Variants in TAOK1 observed in about 807,000 individuals in gnomAD.
TAOK1 encodes the protein TAO kinase 1.
In TAOK1, 21 loss-of-function variants were observed where a neutral mutation model predicts 138.3. That is an observed-to-expected ratio of 0.15 (90% CI 0.11 to 0.22). The LOEUF (loss-of-function observed/expected upper bound fraction) is 0.22, where lower values mean the gene tolerates loss of function less well. Ranked by LOEUF, TAOK1 falls within the 10% of genes least tolerant of loss-of-function variation. TAOK1 has a pLI of 1.00. For missense variants in TAOK1, 651 were observed against 1,227.7 expected (o/e 0.53, Z 7.02); for synonymous variants, 361 against 398.4 (o/e 0.91, Z 1.12).
At chr17:29,429,579 C>T (rs1355650036) in intron 1 of TAOK1, among the ~76,000 whole-genome samples, 1 of 152,048 alleles carries the variant, frequency 6.6e-6, no homozygotes, top group African/African-American at 2.4e-5. Context: ...CCCGGCCTTT[C>T]CTCTAATGTT....
At chr17:29,495,469 C>G (rs2031393637) in intron 10 of TAOK1, 91 bp from the exon 11 acceptor site, 3 of 1,071,132 alleles carry the variant, frequency 2.8e-6, no homozygotes, top group Non-Finnish European at 3.9e-6. Flanking sequence ...CATGCATTAT[C>G]TATCATAGGA....
chr17:29,522,661 A>C, intron 17 of TAOK1, 142 bp downstream of exon 17: 1 of 1,284,836 alleles, frequency 7.8e-7, no homozygotes, highest in South Asian at 1.5e-5. Flanking sequence ...GTTGACTTTA[A>C]TGTTAAATGC....
chr17:29,538,531 A>ATTTTT (rs1189041277), intron 19 of TAOK1, among the ~76,000 whole-genome samples: 1 of 152,210 alleles, frequency 6.6e-6, no homozygotes, highest in Admixed American at 6.5e-5. Flanking sequence ...TCTCTACAAA[A>ATTTTT]ACTTTGTAAA....
chr17:29,509,079 CA>C (rs2031674294), intron 14 of TAOK1, among the ~76,000 whole-genome samples: 1 of 152,090 alleles, frequency 6.6e-6, no homozygotes, highest in Non-Finnish European at 1.5e-5. Flanking sequence ...AGTATAAATA[CA>C]TACTTGATTT....
In TAOK1 at chr17:29,391,662, C is replaced by T. The variant is rs954251385; in HGVS notation, c.-95+638C>T. Among the ~76,000 whole-genome samples, 6 of 152,296 alleles carry T rather than the reference C, an allele frequency of 3.9e-5. No individual in the cohort carries two copies. The South Asian group carries it at 8.3e-4, about 21-fold the overall frequency. The stretch of plus-strand genomic sequence containing the variant: ...TACTCTTTTTCCTTTGGTTTTAAAT[C>T]GACGACAGTATCGTTTTAATACTCT... On this transcript the variant is annotated intron_variant, in intron 1 of 19. Coordinates refer to ENST00000261716, the MANE Select transcript of TAOK1 (RefSeq NM_020791.4).
chr17:29,466,289 G>A lies in TAOK1; in HGVS notation c.133-856G>A, dbSNP rs371094429. Reference sequence around the variant, plus strand: ...CTCCCAAGTAGCTGGGATTACAGGCGTGCACCACTACACCTGGCTGATTTT... The same window carrying A: ...CTCCCAAGTAGCTGGGATTACAGGCATGCACCACTACACCTGGCTGATTTT... On this transcript the variant is annotated intron_variant, in intron 2 of 19. Coordinates refer to ENST00000261716, the MANE Select transcript of TAOK1 (RefSeq NM_020791.4). 2.6e-5 allele frequency among the ~76,000 whole-genome samples: 4 copies of A among 151,990 alleles called. No homozygotes were observed. In the East Asian group the frequency reaches 5.8e-4, roughly 22 times the overall value.
chr17:29,507,898 T>G lies in TAOK1; in HGVS notation c.1341T>G (p.Val447=), dbSNP rs771625825. ...CCTTACATTATTTGTATGTCTAGGT[T>G]ACGAGGCAAATGCAAGAACATGAGC... is the stretch of plus-strand genomic sequence containing the variant. The part of the protein sequence containing the change: ...HFATIRTASL[V]TRQMQEHEQD... Residue 447 remains valine, a splice_region_variant and synonymous_variant, in exon 14 of 20, where the codon GTT becomes GTG. Transcript: ENST00000261716. The G allele has an allele frequency of 5.6e-6, 9 of 1,612,920 alleles. No individual in the cohort carries two copies. The highest frequency in any genetic ancestry group is 7.6e-6 in the Non-Finnish European group (9 of 1,179,492).
intron 15 of TAOK1, among the ~76,000 whole-genome samples, chr17:29,515,302 A>G (rs1598517047): frequency 6.6e-6 from 1 of 152,206 alleles, no homozygotes; most frequent in Non-Finnish European, 1.5e-5. Flanking sequence ...GTCAAAAACC[A>G]AGAAGCGAGA....
intron 1 of TAOK1, among the ~76,000 whole-genome samples, chr17:29,451,057 G>A (rs2030219899): frequency 6.6e-6 from 1 of 152,012 alleles, no homozygotes; most frequent in Non-Finnish European, 1.5e-5. Flanking sequence ...CTAGCATACG[G>A]TATCTGAAAA....
intron 3 of TAOK1, among the ~76,000 whole-genome samples, chr17:29,475,469 G>C (rs1346966230): frequency 6.6e-6 from 1 of 152,174 alleles, no homozygotes; most frequent in Admixed American, 6.5e-5. Context: ...GAGCCCACAA[G>C]ATGGAGGTTG....
intron 2 of TAOK1, 164 bp downstream of exon 2, chr17:29,451,844 G>T: frequency 3.4e-6 from 2 of 588,858 alleles, no homozygotes; most frequent in South Asian, 3.8e-5. Context: ...GTGAGTGTGT[G>T]TGTCTGTGTG....
In TAOK1 at chr17:29,545,838, C is replaced by T. The variant is rs538866943; in HGVS notation, c.*2816C>T. ...CTCCTTCCCAGTGTTGGTGTTCACTCACTATATGTCTTTAAGAAAATTAAA... is the reference window on the plus strand; with the variant it reads ...CTCCTTCCCAGTGTTGGTGTTCACTTACTATATGTCTTTAAGAAAATTAAA... On this transcript the variant is annotated 3_prime_UTR_variant, in exon 20 of 20. Transcript: ENST00000261716. The T allele has an allele frequency of 6.6e-6, 1 of 152,214 alleles. No individual in the cohort carries two copies. The highest frequency in any genetic ancestry group is 2.4e-5 in the African/African-American group (1 of 41,550). 9.4% of individuals were successfully genotyped at this position (152,214 alleles called of 1,614,324 possible).
At chr17:29,436,205 A>G (rs958005720) in intron 1 of TAOK1, among the ~76,000 whole-genome samples, 3 of 152,342 alleles carry the variant, frequency 2.0e-5, no homozygotes, top group South Asian at 4.1e-4. Context: ...ACAGTTTTCA[A>G]ATTTTAGAGG....
At chr17:29,436,072 T>C (rs751679904) in intron 1 of TAOK1, among the ~76,000 whole-genome samples, 17 of 152,276 alleles carry the variant, frequency 1.1e-4, no homozygotes, top group Middle Eastern at 3.4e-3. Flanking sequence ...AGAGGTTGCA[T>C]TGAGTTCAGA....
chr17:29,464,855 CTG>C (rs1404766779), intron 2 of TAOK1, among the ~76,000 whole-genome samples: 1 of 140,670 alleles, frequency 7.1e-6, no homozygotes, highest in Non-Finnish European at 1.5e-5. Flanking sequence ...TACAGGGTCT[CTG>C]TTGCTCAGGC....
At chr17:29,533,104 G>GCGCCTCA (rs2032155406) in intron 18 of TAOK1, among the ~76,000 whole-genome samples, 1 of 145,286 alleles carries the variant, frequency 6.9e-6, no homozygotes, top group African/African-American at 2.5e-5. Context: ...GGGCGGAGGG[G>GCGCCTCA]CTTCTCACTT....
Position 29,551,414 on chromosome 17 carries a change from G to A in TAOK1, c.*8392G>A, listed in dbSNP as rs2150784021. The A allele has an allele frequency of 6.6e-6, 1 of 152,274 alleles. No homozygotes were observed. Among genetic ancestry groups the A allele is most frequent in the Admixed American group, 6.5e-5 (1 of 15,288 alleles). 9.4% of individuals were successfully genotyped at this position (152,274 alleles called of 1,614,324 possible). On this transcript the variant is annotated 3_prime_UTR_variant, in exon 20 of 20. Transcript: ENST00000261716. Reference sequence around the variant, plus strand: ...TTTTCATAGTGGACAAAGAACTTGTGGTCTTTTAAAACTGGGACTGATACT... The same window carrying A: ...TTTTCATAGTGGACAAAGAACTTGTAGTCTTTTAAAACTGGGACTGATACT...
intron 2 of TAOK1, 121 bp from the exon 3 acceptor site, chr17:29,467,024 A>C (rs976463197): frequency 7.3e-6 from 4 of 548,716 alleles, no homozygotes; most frequent in Non-Finnish European, 1.2e-5. Flanking sequence ...TTTCTTTAAA[A>C]GTGGTTTTGA....
chr17:29,502,438 AAAG>A (rs2031547141), intron 12 of TAOK1, 148 bp from the exon 13 acceptor site: 3 of 854,904 alleles, frequency 3.5e-6, no homozygotes, highest in South Asian at 1.9e-5. Flanking sequence ...TCTAAAGAAA[AAAG>A]AAGACCAGCA....
Sources: gnomAD v4.1 joint callset for allele counts (sites outside exome capture counted in the v4.1 genomes callset) on GRCh38, gnomAD v4.1.1 for gene constraint, MANE v1.5 for transcripts, NCBI Gene and HGNC (gene_info 2026-07-23, HGNC 2026-07-21) for gene names.